PCGF3: variants seen among roughly 807,000 people sequenced by gnomAD.
PCGF3 encodes polycomb group ring finger 3.
A neutral mutation model predicts 33.1 loss-of-function variants in PCGF3; 7 were observed. The ratio of observed to expected loss-of-function variants is 0.21; its 90% confidence interval spans 0.12 to 0.40. PCGF3 has a LOEUF of 0.40. Ranked by LOEUF, PCGF3 falls within the 10% of genes least tolerant of loss-of-function variation. The probability of loss-of-function intolerance (pLI) is 1.00; values close to 1 mark genes in which losing one functional copy is unlikely to be tolerated. For missense variants in PCGF3, 211 were observed against 313.3 expected (o/e 0.67, Z 2.46); for synonymous variants, 153 against 121.3 (o/e 1.26, Z -1.72).
chr4:758,686 C>T (rs1744905696), intron 8 of PCGF3, among the ~76,000 whole-genome samples: 1 of 80,038 alleles, frequency 1.2e-5, no homozygotes, highest in South Asian at 6.4e-4. Flanking sequence ...CCCCGCGCGG[C>T]CCCTCTCCCG....
intron 4 of PCGF3, 135 bp downstream of exon 4, chr4:733,924 G>C: frequency 6.4e-7 from 1 of 1,563,498 alleles, no homozygotes; most frequent in Non-Finnish European, 8.7e-7. Flanking sequence ...CAGGGGCAGA[G>C]ACGATCTTGA....
chr4:737,931 A>G (rs188062028), intron 6 of PCGF3, among the ~76,000 whole-genome samples: 20 of 152,322 alleles, frequency 1.3e-4, no homozygotes, highest in Admixed American at 1.2e-3. Flanking sequence ...TGTTTCTAGA[A>G]AAACTTCACC....
At chr4:763,792 C>T (rs147997416) in intron 9 of PCGF3, among the ~76,000 whole-genome samples, 5 of 152,342 alleles carry the variant, frequency 3.3e-5, no homozygotes, top group South Asian at 2.1e-4. Context: ...TTACCAAAAC[C>T]TGGAAGCGAC....
At chr4:713,881 C>T (rs1028599821) in intron 1 of PCGF3, among the ~76,000 whole-genome samples, 6 of 152,230 alleles carry the variant, frequency 3.9e-5, no homozygotes, top group African/African-American at 1.2e-4. Context: ...GAGGGCTCAC[C>T]TTAAAATTTT....
At chr4:740,840 G>A (rs563003498) in intron 6 of PCGF3, among the ~76,000 whole-genome samples, 1 of 152,326 alleles carries the variant, frequency 6.6e-6, no homozygotes, top group Non-Finnish European at 1.5e-5. Flanking sequence ...CGTCCGTGGT[G>A]CAGCTGAGTG....
At chr4:753,300 C>T (rs1018769023) in intron 8 of PCGF3, among the ~76,000 whole-genome samples, 4 of 152,232 alleles carry the variant, frequency 2.6e-5, no homozygotes, top group African/African-American at 7.2e-5. Flanking sequence ...TCTCCCAACT[C>T]AGCCTCCCGA....
chr4:764,856 C>A (rs910597989), intron 9 of PCGF3, 128 bp from the exon 10 acceptor site: 35 of 647,968 alleles, frequency 5.4e-5, no homozygotes, highest in Middle Eastern at 7.9e-4. Flanking sequence ...CAGCCCCCCC[C>A]ACCCCATCTC....
intron 4 of PCGF3, 155 bp downstream of exon 4, chr4:733,944 A>G (rs1025035848): frequency 6.4e-7 from 1 of 1,554,494 alleles, no homozygotes; most frequent in Admixed American, 2.0e-5. Flanking sequence ...AAGATAAGTC[A>G]GAAAAGTCAT....
intron 7 of PCGF3, 106 bp from the exon 8 acceptor site, chr4:744,494 C>G: frequency 2.4e-6 from 2 of 838,306 alleles, no homozygotes; most frequent in Non-Finnish European, 3.9e-6. Context: ...GGTCCAGAGT[C>G]TCTTAATGGA....
rs1385955578 is a variant in PCGF3, at chr4:765,104, G to T, written c.681+40G>T. 4 of 1,372,890 alleles carry T rather than the reference G, an allele frequency of 2.9e-6. No homozygotes were observed. The East Asian group carries it at 9.1e-5, about 31-fold the overall frequency. 85.0% of individuals were successfully genotyped at this position (1,372,890 alleles called of 1,614,324 possible). On this transcript the variant is annotated intron_variant, in intron 10 of 10. Transcript: ENST00000362003. ...TTGATTTTCAGAGTCTGCTCTGAAT[G>T]GCAGTGACTTTGCTGTGCATCTCTT...
chr4:765,091 GT>G, intron 10 of PCGF3, 27 bp downstream of exon 10: 4 of 1,522,092 alleles, frequency 2.6e-6, no homozygotes, highest in Non-Finnish European at 2.7e-6. Flanking sequence ...GATTTTCAGA[GT>G]CTGCTCTGAA....
chr4:754,391 C>T (rs1744674606), intron 8 of PCGF3, among the ~76,000 whole-genome samples: 3 of 152,242 alleles, frequency 2.0e-5, no homozygotes, highest in Admixed American at 6.5e-5. Context: ...TGCTGCACGC[C>T]TGCTGGAAGT....
At chr4:741,023 T>G (rs766376281) in intron 6 of PCGF3, among the ~76,000 whole-genome samples, 7 of 152,382 alleles carry the variant, frequency 4.6e-5, no homozygotes, top group Non-Finnish European at 1.0e-4. Flanking sequence ...CTGGATTATT[T>G]TGTTGTTGAA....
intron 1 of PCGF3, among the ~76,000 whole-genome samples, chr4:714,920 C>T (rs912534299): frequency 1.3e-5 from 2 of 152,244 alleles, no homozygotes; most frequent in Non-Finnish European, 2.9e-5. Context: ...TTCTGGGACC[C>T]TGTAGACACT....
intron 9 of PCGF3, 45 bp from the exon 10 acceptor site, chr4:764,939 G>GTC: frequency 7.3e-7 from 1 of 1,374,082 alleles, no homozygotes; most frequent in East Asian, 2.3e-5. Flanking sequence ...TGTCAGTGTG[G>GTC]GTTGAGCACC....
At chr4:728,710 ACTGAAGT>A (rs958589456) in intron 1 of PCGF3, among the ~76,000 whole-genome samples, 9 of 152,128 alleles carry the variant, frequency 5.9e-5, no homozygotes, top group Non-Finnish European at 8.8e-5. Flanking sequence ...CTGTGTTTTC[ACTGAAGT>A]CTGAGAACTC....
At position 760,738 on chromosome 4, in the gene PCGF3, G is replaced by T. The variant is rs146203327; in HGVS notation, c.463-541G>T. ...CCTCGTCCTGGGCAGATTCCTTTTC[G>T]CACCGGGCAGGGAGCCCGTGGCTGC... On this transcript the variant is annotated intron_variant, in intron 8 of 10. Transcript: ENST00000362003. 4.0e-3 allele frequency among the ~76,000 whole-genome samples: 607 copies of T among 152,266 alleles called. 4 individuals carry two copies. Among genetic ancestry groups the T allele is most frequent in the Middle Eastern group, 0.014 (4 of 294 alleles).
rs1050550859 is a variant in PCGF3, at chr4:720,840, A to G, written c.-189-9790A>G. 1.2e-4 allele frequency among the ~76,000 whole-genome samples: 18 copies of G among 152,184 alleles called. No individual in the cohort carries two copies. Among genetic ancestry groups the G allele is most frequent in the Admixed American group, 1.1e-3 (17 of 15,286 alleles). ...GGCTCGGCTCTGCTGTCAGGAGGAC[A>G]TGTCAGACTTCTGTCTCTAAGATAC... On this transcript the variant is annotated intron_variant, in intron 1 of 10. Transcript: ENST00000362003. This position sits in a 1 kb window ranked among gnomAD's most constrained non-coding sequence, Gnocchi z 5.6.
At chr4:763,166 G>A (rs1037280438) in intron 9 of PCGF3, among the ~76,000 whole-genome samples, 1 of 152,174 alleles carries the variant, frequency 6.6e-6, no homozygotes, top group Non-Finnish European at 1.5e-5. Flanking sequence ...AGGAAATGGG[G>A]CAACGCTTTT....
Sources: gnomAD v4.1 joint callset for allele counts (sites outside exome capture counted in the v4.1 genomes callset) on GRCh38, gnomAD v4.1.1 for gene constraint, Gnocchi (gnomAD v3.1) non-coding constraint, MANE v1.5 for transcripts, NCBI Gene and HGNC (gene_info 2026-07-23, HGNC 2026-07-21) for gene names.